RBFOX1: variants seen among roughly 807,000 people sequenced by gnomAD.
The protein encoded by RBFOX1 is RNA binding fox-1 homolog 1, also known as RNA binding protein fox-1 homolog 1.
In RBFOX1, 8 loss-of-function variants were observed where a neutral mutation model predicts 57.7. That is an observed-to-expected ratio of 0.14 (90% confidence interval 0.08 to 0.25). The LOEUF (loss-of-function observed/expected upper bound fraction) is 0.25. Ranked by LOEUF, RBFOX1 falls within the 10% of genes least tolerant of loss-of-function variation. The pLI is 1.00. For missense variants in RBFOX1, 611 were observed against 548.5 expected (o/e 1.11, Z -1.14); for synonymous variants, 326 against 222.4 (o/e 1.47, Z -4.15).
chr16:6,830,641 A>G (rs1848561181), intron 3 of RBFOX1, among the ~76,000 whole-genome samples: 1 of 152,204 alleles, frequency 6.6e-6, no homozygotes. Flanking sequence ...CACAGTATAT[A>G]GAACAGCTCT....
At chr16:7,072,018 C>G (rs1007321283) in intron 4 of RBFOX1, among the ~76,000 whole-genome samples, 10 of 152,200 alleles carry the variant, frequency 6.6e-5, no homozygotes, top group African/African-American at 2.2e-4. Flanking sequence ...CGCAAACCTA[C>G]TCGAAGTCAT....
intron 2 of RBFOX1, among the ~76,000 whole-genome samples, chr16:6,362,026 A>G (rs1362452588): frequency 6.6e-6 from 1 of 152,154 alleles, no homozygotes; most frequent in Non-Finnish European, 1.5e-5. Context: ...CAAGGAGCTT[A>G]TGTTCTAGTG....
At chr16:5,857,098 A>C (rs892074214) in intron 3 of RBFOX1, among the ~76,000 whole-genome samples, 1 of 152,138 alleles carries the variant, frequency 6.6e-6, no homozygotes, top group African/African-American at 2.4e-5. Context: ...TCACTTGAAC[A>C]CTTAAAGGTC....
intron 2 of RBFOX1, among the ~76,000 whole-genome samples, chr16:6,532,924 C>T (rs1218592513): frequency 6.6e-6 from 1 of 152,182 alleles, no homozygotes; most frequent in Admixed American, 6.5e-5. Context: ...TCACTCTCCT[C>T]TCACTTTCTA....
intron 2 of RBFOX1, among the ~76,000 whole-genome samples, chr16:6,646,422 G>C (rs763374989): frequency 6.6e-6 from 1 of 152,028 alleles, no homozygotes; most frequent in Non-Finnish European, 1.5e-5. Context: ...AATAATCTTA[G>C]GGAAATGGCG....
chr16:7,093,436 T>C (rs1197405452), intron 4 of RBFOX1, among the ~76,000 whole-genome samples: 1 of 152,204 alleles, frequency 6.6e-6, no homozygotes, highest in Non-Finnish European at 1.5e-5. Context: ...CACTCTGACA[T>C]AGTCACATCT....
chr16:7,518,522 A>AT (rs1466423621), intron 5 of RBFOX1, 133 bp downstream of exon 5: 1 of 1,191,552 alleles, frequency 8.4e-7, no homozygotes, highest in African/African-American at 1.5e-5. Context: ...CACCCTCATC[A>AT]TACCAGCTTC....
At chr16:6,941,350 C>CCTTCCTT in intron 3 of RBFOX1, among the ~76,000 whole-genome samples, 1 of 139,732 alleles carries the variant, frequency 7.2e-6, no homozygotes, top group African/African-American at 2.7e-5. Flanking sequence ...TTCCTTCCTT[C>CCTTCCTT]CTTCCTTCTC....
downstream of RBFOX1, chr16:5,601,628 C>A (rs1247622988): frequency 1.3e-5 from 2 of 152,192 alleles, no homozygotes; most frequent in African/African-American, 4.8e-5. Context: ...CTATGTCTTG[C>A]AGTTCCACCC....
At chr16:5,964,903 T>C (rs1305104637) in intron 4 of RBFOX1, among the ~76,000 whole-genome samples, 1 of 152,132 alleles carries the variant, frequency 6.6e-6, no homozygotes, top group African/African-American at 2.4e-5. Flanking sequence ...TGTGTATATA[T>C]ATAGATATGT....
chr16:5,816,518 T>C (rs2151793681), intron 3 of RBFOX1, among the ~76,000 whole-genome samples: 1 of 152,294 alleles, frequency 6.6e-6, no homozygotes, highest in South Asian at 2.1e-4. Context: ...TCAATTATTA[T>C]GCCTGGCCAG....
intron 3 of RBFOX1, among the ~76,000 whole-genome samples, chr16:6,804,247 A>G (rs2086180862): frequency 6.6e-6 from 1 of 151,716 alleles, no homozygotes; most frequent in South Asian, 2.1e-4. Context: ...TGACCTCTTG[A>G]TCCGCCCACC....
At position 6,339,929 on chromosome 16, in the gene RBFOX1, G is replaced by A. The variant is rs113958445; in HGVS notation, c.-64+22872G>A. On this transcript the variant is annotated intron_variant, in intron 2 of 15. Transcript: ENST00000550418. ...CCAGACCTCATGATCCACCCACCTC[G>A]TCCTCCTAAAGTGCTGGGATTACAG... is the stretch of plus-strand genomic sequence containing the variant. Among the ~76,000 whole-genome samples the A allele has an allele frequency of 8.5e-3, 1,298 of 151,928 alleles. 4 individuals are homozygous for A. The highest frequency in any genetic ancestry group is 0.01 in the Non-Finnish European group (700 of 67,966).
chr16:6,077,783 C>T (rs1597072918), intron 1 of RBFOX1, among the ~76,000 whole-genome samples: 3 of 151,888 alleles, frequency 2.0e-5, no homozygotes, highest in African/African-American at 7.3e-5. Flanking sequence ...GTGGTGCAGT[C>T]ATAGCTCACT....
chr16:7,056,316 A>G (rs1342174040), intron 4 of RBFOX1, among the ~76,000 whole-genome samples: 1 of 152,134 alleles, frequency 6.6e-6, no homozygotes, highest in African/African-American at 2.4e-5. Flanking sequence ...CTCCGTCCCA[A>G]GGTTTGTCAA....
At chr16:6,566,810 C>A (rs1222194749) in intron 2 of RBFOX1, among the ~76,000 whole-genome samples, 4 of 152,118 alleles carry the variant, frequency 2.6e-5, no homozygotes, top group Admixed American at 2.6e-4. Flanking sequence ...TTTCTATCAG[C>A]GTTTTTATCT....
chr16:7,153,344 G>A (rs1181212447), intron 4 of RBFOX1, among the ~76,000 whole-genome samples: 1 of 152,070 alleles, frequency 6.6e-6, no homozygotes, highest in East Asian at 1.9e-4. Flanking sequence ...TTACTCTGTG[G>A]CCAAACTATA....
chr16:6,083,125 C>T (rs1308916770), intron 1 of RBFOX1, among the ~76,000 whole-genome samples: 2 of 152,060 alleles, frequency 1.3e-5, no homozygotes, highest in Non-Finnish European at 2.9e-5. Context: ...CCTCAGCGTC[C>T]TGAGTAGCTG....
intron 4 of RBFOX1, among the ~76,000 whole-genome samples, chr16:7,228,707 A>G (rs997739274): frequency 6.6e-6 from 1 of 152,220 alleles, no homozygotes; most frequent in African/African-American, 2.4e-5. Context: ...TCAATTCAGG[A>G]CGACGTGAAA....
Sources: allele counts gnomAD v4.1 joint callset (sites outside exome capture counted in the v4.1 genomes callset), GRCh38; gene constraint gnomAD v4.1.1; transcripts MANE v1.5; gene names NCBI Gene and HGNC (gene_info 2026-07-23, HGNC 2026-07-21).